Variants in SMOC2 observed in about 807,000 individuals in gnomAD.
The protein encoded by SMOC2 is SPARC related modular calcium binding 2, also known as SPARC-related modular calcium-binding protein 2.
A neutral mutation model predicts 61.4 loss-of-function variants in SMOC2; 39 were observed. That is an observed-to-expected ratio of 0.64 (90% CI 0.49 to 0.83). The LOEUF is 0.83. Among genes scored for constraint, SMOC2 ranks in the 40% least tolerant of loss-of-function variants. The pLI, the probability that SMOC2 is intolerant of heterozygous loss-of-function variation, is 0.00. For missense variants in SMOC2, 556 were observed against 592.9 expected (o/e 0.94, Z 0.65); for synonymous variants, 247 against 239.9 (o/e 1.03, Z -0.27).
intron 9 of SMOC2, among the ~76,000 whole-genome samples, chr6:168,636,843 GCCTCCTGCCTCCCT>G (rs1490468903): frequency 0.018 from 2,587 of 145,400 alleles, 73 homozygotes; most frequent in African/African-American, 0.038. Flanking sequence ...TGGGGAATAT[GCCTCCTGCCTCCCT>G]CCTCCCGCCT....
chr6:168,455,365 A>G (rs1374097511), intron 1 of SMOC2, among the ~76,000 whole-genome samples: 2 of 152,220 alleles, frequency 1.3e-5, no homozygotes, highest in East Asian at 3.8e-4. Flanking sequence ...TTCTCTAAGC[A>G]GAATCAGAAA....
intron 7 of SMOC2, among the ~76,000 whole-genome samples, chr6:168,577,791 G>A (rs1185438137): frequency 3.3e-5 from 5 of 152,232 alleles, no homozygotes; most frequent in Non-Finnish European, 7.3e-5. Context: ...GAGGTGACGA[G>A]ACAGCAACGC....
chr6:168,604,213 G>T (rs971244566), intron 8 of SMOC2, among the ~76,000 whole-genome samples: 1 of 152,206 alleles, frequency 6.6e-6, no homozygotes, highest in African/African-American at 2.4e-5. Flanking sequence ...GGACACAGGA[G>T]CCCATCTCTT....
intron 7 of SMOC2, among the ~76,000 whole-genome samples, chr6:168,582,462 G>A (rs894555773): frequency 4.6e-5 from 7 of 152,164 alleles, no homozygotes; most frequent in Non-Finnish European, 1.0e-4. Context: ...TGGGGTCACC[G>A]CTGGGCAGGA....
At chr6:168,480,327 A>C in intron 1 of SMOC2, among the ~76,000 whole-genome samples, 1 of 152,136 alleles carries the variant, frequency 6.6e-6, no homozygotes, top group East Asian at 1.9e-4. Flanking sequence ...ATTTGAAAAC[A>C]CCTGTCTTAA....
intron 3 of SMOC2, among the ~76,000 whole-genome samples, chr6:168,527,071 G>T (rs1783473055): frequency 1.3e-5 from 2 of 152,194 alleles, no homozygotes; most frequent in African/African-American, 2.4e-5. Flanking sequence ...CACGGGTTCT[G>T]CACTTTGACA....
At chr6:168,652,571 G>C (rs951856062) in intron 10 of SMOC2, among the ~76,000 whole-genome samples, 1 of 152,122 alleles carries the variant, frequency 6.6e-6, no homozygotes, top group African/African-American at 2.4e-5. Context: ...ATGACATGAA[G>C]GATGTGTAAA....
chr6:168,527,508 G>C, intron 3 of SMOC2, 120 bp from the exon 4 acceptor site: 1 of 687,178 alleles, frequency 1.5e-6, no homozygotes, highest in East Asian at 2.7e-5. Context: ...CACAGAAGTA[G>C]CTCTGGGTAT....
At chr6:168,572,832 G>A (rs1784697344) in intron 7 of SMOC2, among the ~76,000 whole-genome samples, 1 of 71,596 alleles carries the variant, frequency 1.4e-5, no homozygotes, top group African/African-American at 1.1e-4. Context: ...AGGGCTGCGT[G>A]CTCCCTGAAC....
At chr6:168,581,234 G>A (rs1784909439) in intron 7 of SMOC2, among the ~76,000 whole-genome samples, 1 of 152,012 alleles carries the variant, frequency 6.6e-6, no homozygotes. Flanking sequence ...TTTAAATGTT[G>A]TATAATTAAA....
At chr6:168,634,432 T>TC (rs959990971) in intron 9 of SMOC2, among the ~76,000 whole-genome samples, 2 of 152,230 alleles carry the variant, frequency 1.3e-5, no homozygotes, top group Non-Finnish European at 2.9e-5. Flanking sequence ...GGGGATATTC[T>TC]CCCCAGGTGG....
At chr6:168,621,117 C>T (rs538429433) in intron 9 of SMOC2, among the ~76,000 whole-genome samples, 1 of 149,886 alleles carries the variant, frequency 6.7e-6, no homozygotes, top group African/African-American at 2.5e-5. Flanking sequence ...CTTTCAGAAA[C>T]GTCAGAGGTT....
chr6:168,523,079 A>ATTTTTTTTTT lies in SMOC2; in HGVS notation c.257-3256_257-3247dup, dbSNP rs1554287070. On this transcript the variant is annotated intron_variant, in intron 2 of 12. Transcript: ENST00000356284. ...TTATGTTATTTGTAGTTGTACAGTA[A>ATTTTTTTTTT]TTTTTTTTTTTTTTTTTTTTGAGAC... Among the ~76,000 whole-genome samples, 40 of 93,658 alleles carry ATTTTTTTTTT rather than the reference A, an allele frequency of 4.3e-4. 6 individuals carry two copies. The highest frequency in any genetic ancestry group is 8.3e-4 in the South Asian group (2 of 2,408). The allele number at this position is 93,658 out of a possible 152,430, so 61.4% of individuals were successfully genotyped here. A position where few individuals can be genotyped will look rare whatever the true frequency, so the allele number is the denominator to read the frequency against.
intron 9 of SMOC2, among the ~76,000 whole-genome samples, chr6:168,645,816 C>T (rs1343563130): frequency 6.6e-6 from 1 of 152,184 alleles, no homozygotes; most frequent in African/African-American, 2.4e-5. Flanking sequence ...CCCCTCACAT[C>T]AGGCCAGCAA....
chr6:168,568,073 T>A (rs1330733340), intron 7 of SMOC2, among the ~76,000 whole-genome samples: 1 of 150,324 alleles, frequency 6.7e-6, no homozygotes. Context: ...ATGGTGTGAG[T>A]CGGTGTCTCA....
At chr6:168,487,686 A>G (rs934838816) in intron 1 of SMOC2, among the ~76,000 whole-genome samples, 2 of 152,040 alleles carry the variant, frequency 1.3e-5, no homozygotes, top group African/African-American at 4.8e-5. Flanking sequence ...TGTTTTTAGT[A>G]GAGATGGGGC....
chr6:168,647,317 C>T (rs566575921), intron 9 of SMOC2, among the ~76,000 whole-genome samples: 82 of 152,314 alleles, frequency 5.4e-4, no homozygotes, highest in African/African-American at 1.8e-3. Context: ...AGGCCGGGGG[C>T]GGAGTGTGCT....
At chr6:168,519,002 TGTGA>T (rs1417538806) in intron 2 of SMOC2, among the ~76,000 whole-genome samples, 1 of 147,974 alleles carries the variant, frequency 6.8e-6, no homozygotes, top group Non-Finnish European at 1.5e-5. Flanking sequence ...TGCGTGCATG[TGTGA>T]GTATGCGTGC....
chr6:168,630,261 G>A (rs1420835889), intron 9 of SMOC2, among the ~76,000 whole-genome samples: 4 of 152,206 alleles, frequency 2.6e-5, no homozygotes, highest in Admixed American at 1.3e-4. Context: ...CCCAAACGGA[G>A]GGACCGGCTG....
Sources: gnomAD v4.1 joint callset for allele counts (sites outside exome capture counted in the v4.1 genomes callset) on GRCh38, gnomAD v4.1.1 for gene constraint, MANE v1.5 for transcripts, NCBI Gene and HGNC (gene_info 2026-07-23, HGNC 2026-07-21) for gene names.